The following NUDT10 variants were observed in gnomAD, a reference collection of about 807,000 sequenced individuals.
NUDT10 encodes the protein diphosphoinositol polyphosphate phosphohydrolase 3-alpha.
In NUDT10, 2 loss-of-function variants were observed where a neutral mutation model predicts 10.5. That is an observed-to-expected ratio of 0.19 (90% confidence interval 0.08 to 0.60). NUDT10 has a LOEUF of 0.60. Ranked by LOEUF, NUDT10 falls within the 20% of genes least tolerant of loss-of-function variation. The pLI, the probability that NUDT10 is intolerant of heterozygous loss-of-function variation, is 0.89. For synonymous variants in NUDT10, 53 were observed against 71.8 expected, an observed-to-expected ratio of 0.74 and a Z score of 1.32; for missense variants, 75 against 149.5, an observed-to-expected ratio of 0.50 and a Z score of 2.60.
intron 1 of NUDT10, among the ~76,000 whole-genome samples, chrX:51,334,484 G>T (rs1463315063): frequency 1.8e-5 from 2 of 112,377 alleles, no homozygotes; most frequent in Non-Finnish European, 3.8e-5. Context: ...CACAGGAATG[G>T]AATCTTTTGT....
rs1489730966 is a variant in NUDT10 at position 51,332,940 on chromosome X, A to G, written c.-26A>G. On this transcript the variant is annotated 5_prime_UTR_variant, in exon 1 of 2. Transcript: ENST00000356450. Reference sequence around the variant, plus strand: ...TGCGTCGGCGGCCCACACAGCAGCGAGAGGCGAGAGGAGGCTGCCTCGAGG... The same window carrying G: ...TGCGTCGGCGGCCCACACAGCAGCGGGAGGCGAGAGGAGGCTGCCTCGAGG... The G allele has an allele frequency of 3.3e-6, 4 of 1,208,413 alleles. No homozygotes were observed. Among genetic ancestry groups the G allele is most frequent in the Non-Finnish European group, 4.5e-6 (4 of 893,425 alleles).
At chrX:51,332,821 C>G, upstream of NUDT10, 1 of 931,955 alleles carries the variant, frequency 1.1e-6, no homozygotes, top group Non-Finnish European at 1.4e-6. Context: ...GGCTCGGGGG[C>G]AGACGGCAGA....
At chrX:51,336,036 T>A (rs1476287856) in intron 1 of NUDT10, among the ~76,000 whole-genome samples, 5 of 112,047 alleles carry the variant, frequency 4.5e-5, no homozygotes, top group African/African-American at 1.6e-4. Flanking sequence ...TCCCGATTTC[T>A]GAGCTTCATA....
rs191081473 is a variant in NUDT10, at chrX:51,332,853, G to A, written c.-113G>A. 2,886 of 1,052,012 alleles carry A rather than the reference G, an allele frequency of 2.7e-3. 12 individuals are homozygous for A. In the Middle Eastern group the frequency reaches 0.028, roughly 10 times the overall value. The allele number at this position is 1,052,012 out of a possible 1,213,427, so 86.7% of individuals were successfully genotyped here. ...CAGACGGAGGCGCCTCTCTCTCCCC[G>A]CCCCTCTCCTCGGCCCTTTCTCTTC... On this transcript the variant is annotated 5_prime_UTR_variant, in exon 1 of 2. Transcript: ENST00000356450.
Position 51,332,855 on chromosome X carries a change from C to T in NUDT10, c.-111C>T. On this transcript the variant is annotated 5_prime_UTR_variant, in exon 1 of 2. Coordinates refer to ENST00000356450, the MANE Select transcript of NUDT10 (RefSeq NM_001304963.2). The stretch of plus-strand genomic sequence containing the variant: ...GACGGAGGCGCCTCTCTCTCCCCGC[C>T]CCTCTCCTCGGCCCTTTCTCTTCCC... 9.4e-7 allele frequency: 1 copy of T among 1,060,035 alleles called. No homozygotes were observed. Among genetic ancestry groups the T allele is most frequent in the South Asian group, 2.4e-5 (1 of 41,903 alleles). The allele number at this position is 1,060,035 out of a possible 1,213,427, so 87.4% of individuals were successfully genotyped here.
In NUDT10 at chrX:51,332,827, G is replaced by A. The variant is rs1557312202; in HGVS notation, c.-139G>A. 1.0e-6 allele frequency: 1 copy of A among 963,583 alleles called. No individual in the cohort carries two copies. Among genetic ancestry groups the A allele is most frequent in the African/African-American group, 2.0e-5 (1 of 50,965 alleles). 79.4% of individuals were successfully genotyped at this position (963,583 alleles called of 1,213,427 possible). ...CGCTCCCCGGGCTCGGGGGCAGACG[G>A]CAGACGGAGGCGCCTCTCTCTCCCC... is the stretch of plus-strand genomic sequence containing the variant. On this transcript the variant is annotated 5_prime_UTR_variant, in exon 1 of 2. Transcript: ENST00000356450.
chrX:51,334,350 C>T (rs1557312569), intron 1 of NUDT10, among the ~76,000 whole-genome samples: 1 of 111,913 alleles, frequency 8.9e-6, no homozygotes, highest in East Asian at 2.8e-4. Flanking sequence ...TCCCATTGCC[C>T]CTTACTGGAT....
intron 1 of NUDT10, among the ~76,000 whole-genome samples, chrX:51,334,113 A>AG (rs782162006): frequency 2.7e-5 from 3 of 111,921 alleles, no homozygotes; most frequent in African/African-American, 9.7e-5. Flanking sequence ...TAGCCTCTGA[A>AG]GTGGTATCTC....
upstream of NUDT10, chrX:51,332,716 G>A: frequency 2.5e-6 from 1 of 397,638 alleles, no homozygotes. Flanking sequence ...TCGGCCGGCC[G>A]CCCATCGGAC....
chrX:51,332,818 G>A (rs1922706013), upstream of NUDT10: 2 of 930,968 alleles, frequency 2.1e-6, no homozygotes, highest in African/African-American at 2.0e-5. Context: ...CCGGGCTCGG[G>A]GGCAGACGGC....
Position 51,337,228 on chromosome X carries a change from A to C in NUDT10, c.*989A>C, listed in dbSNP as rs1049297038. On this transcript the variant is annotated 3_prime_UTR_variant, in exon 2 of 2. Coordinates refer to ENST00000356450, the MANE Select transcript of NUDT10 (RefSeq NM_001304963.2). Reference sequence around the variant, plus strand: ...GTAAAACGAATACATTTATGAGACAATCGGGGTAATTTGAACATTGGTGGG... The same window carrying C: ...GTAAAACGAATACATTTATGAGACACTCGGGGTAATTTGAACATTGGTGGG... 8.9e-6 allele frequency: 1 copy of C among 112,152 alleles called. No homozygotes were observed. Among genetic ancestry groups the C allele is most frequent in the Non-Finnish European group, 1.9e-5 (1 of 53,283 alleles). 9.2% of individuals were successfully genotyped at this position (112,152 alleles called of 1,213,427 possible). A position where few individuals can be genotyped will look rare whatever the true frequency, so the allele number is the denominator to read the frequency against.
intron 1 of NUDT10, 70 bp from the exon 2 acceptor site, chrX:51,336,169 A>G: frequency 1.9e-6 from 1 of 533,607 alleles, no homozygotes; most frequent in South Asian, 2.7e-5. Context: ...GTAGGTGCTC[A>G]ATAAGTATTT....
chrX:51,335,045 C>T (rs782758950), intron 1 of NUDT10, among the ~76,000 whole-genome samples: 4 of 110,665 alleles, frequency 3.6e-5, no homozygotes, highest in Non-Finnish European at 5.7e-5. Flanking sequence ...GGGGACCGGG[C>T]GCGGTGGCTC....
chrX:51,333,788 G>T (rs1424452066), intron 1 of NUDT10, among the ~76,000 whole-genome samples: 3 of 97,116 alleles, frequency 3.1e-5, no homozygotes, highest in East Asian at 7.0e-4. Flanking sequence ...TGGGCGGGGA[G>T]TGTGTGTGTC....
intron 1 of NUDT10, 76 bp downstream of exon 1, chrX:51,333,535 C>T (rs1250844677): frequency 2.6e-6 from 3 of 1,146,756 alleles, no homozygotes; most frequent in African/African-American, 3.6e-5. Context: ...GAGCACCTCT[C>T]GTACCATGTG....
chrX:51,336,388 T>C lies in NUDT10; in HGVS notation c.*149T>C, dbSNP rs782581225. ...TTTTGGACACTTCTTCCCTGTTTAT[T>C]ACAATGACTATTCTCCAGGTTGTTG... On this transcript the variant is annotated 3_prime_UTR_variant, in exon 2 of 2. Coordinates refer to ENST00000356450, the MANE Select transcript of NUDT10 (RefSeq NM_001304963.2). 18 of 399,756 alleles carry C rather than the reference T, an allele frequency of 4.5e-5. No individual in the cohort carries two copies. The African/African-American group carries it at 4.6e-4, about 10-fold the overall frequency. The allele number at this position is 399,756 out of a possible 1,213,427, so 32.9% of individuals were successfully genotyped here. A position where few individuals can be genotyped will look rare whatever the true frequency, so the allele number is the denominator to read the frequency against.
chrX:51,334,800 C>T (rs1190455563), intron 1 of NUDT10, among the ~76,000 whole-genome samples: 2 of 111,371 alleles, frequency 1.8e-5, no homozygotes, highest in African/African-American at 6.5e-5. Context: ...AAGATCATTC[C>T]TAATTTCTAG....
chrX:51,333,749 C>CGGGGGGGGGGGGGG (rs1252405750), intron 1 of NUDT10, among the ~76,000 whole-genome samples: 1 of 12,482 alleles, frequency 8.0e-5, no homozygotes, highest in Non-Finnish European at 1.3e-4. Flanking sequence ...TGCTTTTGGG[C>CGGGGGGGGGGGGGG]GGGGGGGGGG....
At position 51,332,834 on chromosome X, in the gene NUDT10, G is replaced by C; in HGVS notation, c.-132G>C. 5 of 993,471 alleles carry C rather than the reference G, an allele frequency of 5.0e-6. No individual in the cohort carries two copies. The highest frequency in any genetic ancestry group is 1.9e-5 in the African/African-American group (1 of 51,708). The allele number at this position is 993,471 out of a possible 1,213,427, so 81.9% of individuals were successfully genotyped here. A position where few individuals can be genotyped will look rare whatever the true frequency, so the allele number is the denominator to read the frequency against. On this transcript the variant is annotated 5_prime_UTR_variant, in exon 1 of 2. Coordinates refer to ENST00000356450, the MANE Select transcript of NUDT10 (RefSeq NM_001304963.2). ...CGGGCTCGGGGGCAGACGGCAGACG[G>C]AGGCGCCTCTCTCTCCCCGCCCCTC...
Sources: gnomAD v4.1 joint callset for allele counts (sites outside exome capture counted in the v4.1 genomes callset) on GRCh38, gnomAD v4.1.1 for gene constraint, MANE v1.5 for transcripts, NCBI Gene and HGNC (gene_info 2026-07-23, HGNC 2026-07-21) for gene names.